IGF2BP3: variants seen among roughly 807,000 people sequenced by gnomAD.
IGF2BP3 encodes insulin like growth factor 2 mRNA binding protein 3, also known as insulin-like growth factor 2 mRNA-binding protein 3.
In IGF2BP3, 9 loss-of-function variants were observed where a neutral mutation model predicts 73.8. That is an observed-to-expected ratio of 0.12 (90% CI 0.07 to 0.21). IGF2BP3 has a LOEUF of 0.21. IGF2BP3 is among the 10% of genes least tolerant of loss of function. The probability of loss-of-function intolerance (pLI) is 1.00; values close to 1 mark genes in which losing one functional copy is unlikely to be tolerated. For synonymous variants in IGF2BP3, 258 were observed against 256.7 expected, an observed-to-expected ratio of 1.01 and a Z score of -0.05; for missense variants, 542 against 714.0, an observed-to-expected ratio of 0.76 and a Z score of 2.75.
At chr7:23,452,398 T>A (rs1788222433) in intron 2 of IGF2BP3, among the ~76,000 whole-genome samples, 1 of 152,208 alleles carries the variant, frequency 6.6e-6, no homozygotes, top group East Asian at 1.9e-4. Flanking sequence ...TTTTGCCAAG[T>A]ATGTCTTTGT....
intron 3 of IGF2BP3, among the ~76,000 whole-genome samples, chr7:23,376,383 A>T (rs1433663518): frequency 6.6e-6 from 1 of 150,908 alleles, no homozygotes; most frequent in Non-Finnish European, 1.5e-5. Context: ...AAAAATACAA[A>T]AATTAGCCGG....
At chr7:23,372,941 T>C (rs1785603947) in intron 3 of IGF2BP3, among the ~76,000 whole-genome samples, 1 of 152,210 alleles carries the variant, frequency 6.6e-6, no homozygotes, top group Non-Finnish European at 1.5e-5. Flanking sequence ...AGATAAATGC[T>C]GGAGAAATGA....
At chr7:23,431,631 G>A (rs1329843918) in intron 2 of IGF2BP3, among the ~76,000 whole-genome samples, 7 of 150,442 alleles carry the variant, frequency 4.7e-5, no homozygotes, top group Non-Finnish European at 1.0e-4. Context: ...ACAGGAGGAA[G>A]GAAGGGGGAA....
At chr7:23,439,549 C>A (rs573707520) in intron 2 of IGF2BP3, among the ~76,000 whole-genome samples, 1 of 119,974 alleles carries the variant, frequency 8.3e-6, no homozygotes, top group Admixed American at 9.1e-5. Context: ...AACGAGACTC[C>A]GTCTCAAAAA....
At chr7:23,335,386 TG>T (rs1218642794) in intron 10 of IGF2BP3, among the ~76,000 whole-genome samples, 8 of 151,596 alleles carry the variant, frequency 5.3e-5, no homozygotes, top group Admixed American at 2.0e-4. Context: ...TGGGCTCAGG[TG>T]ATCTTCCTAC....
chr7:23,327,276 TA>T (rs1418868467), intron 10 of IGF2BP3, among the ~76,000 whole-genome samples: 1 of 108,862 alleles, frequency 9.2e-6, no homozygotes, highest in Non-Finnish European at 1.7e-5. Flanking sequence ...TCCTAATTTC[TA>T]ATTTTTTTTT....
intron 10 of IGF2BP3, among the ~76,000 whole-genome samples, chr7:23,333,549 G>C (rs114281263): frequency 0.013 from 2,046 of 152,312 alleles, 65 homozygotes; most frequent in East Asian, 0.13. Flanking sequence ...ATAAACTTAA[G>C]AGAAATGTTG....
chr7:23,395,051 C>T (rs1434575136), intron 3 of IGF2BP3, among the ~76,000 whole-genome samples: 1 of 152,144 alleles, frequency 6.6e-6, no homozygotes, highest in African/African-American at 2.4e-5. Flanking sequence ...TTAATCCACC[C>T]TAATGAGGCT....
In IGF2BP3 at chr7:23,361,116, A is replaced by G. The variant is rs557923873; in HGVS notation, c.401+418T>C. ...GACAATGGTAATCAGGTAACCAGTG[A>G]GTAAGAAGACTTATCATTTAACACT... On this transcript the variant is annotated intron_variant, in intron 5 of 14. Coordinates refer to ENST00000258729, the MANE Select transcript of IGF2BP3 (RefSeq NM_006547.3). 2.0e-4 allele frequency among the ~76,000 whole-genome samples: 31 copies of G among 152,346 alleles called. No homozygotes were observed. The South Asian group carries it at 6.4e-3, about 32-fold the overall frequency.
chr7:23,317,567 G>C, intron 12 of IGF2BP3, 72 bp downstream of exon 12: 1 of 1,102,512 alleles, frequency 9.1e-7, no homozygotes, highest in Admixed American at 1.7e-5. Flanking sequence ...ACATATTTAA[G>C]GGAGACGCCA....
intron 2 of IGF2BP3, among the ~76,000 whole-genome samples, chr7:23,425,177 A>G (rs529547337): frequency 6.6e-6 from 1 of 152,354 alleles, no homozygotes; most frequent in African/African-American, 2.4e-5. Flanking sequence ...AGATGCCAAC[A>G]AGATATACAT....
intron 3 of IGF2BP3, chr7:23,416,368 G>T (rs919423896): frequency 6.6e-6 from 1 of 152,062 alleles, no homozygotes; most frequent in South Asian, 2.1e-4. Context: ...TCTGTAACAG[G>T]CCCCTTCCTT....
intron 2 of IGF2BP3, among the ~76,000 whole-genome samples, chr7:23,451,454 G>T (rs1788194638): frequency 6.6e-6 from 1 of 151,828 alleles, no homozygotes; most frequent in Non-Finnish European, 1.5e-5. Context: ...ATGATAACAT[G>T]TAATGGGTTT....
intron 3 of IGF2BP3, chr7:23,415,684 G>C (rs1324859131): frequency 1.2e-5 from 2 of 166,846 alleles, no homozygotes; most frequent in African/African-American, 4.8e-5. Context: ...CCATAGCCAA[G>C]GAGCTCCCAT....
chr7:23,403,649 T>C (rs1408965332), intron 3 of IGF2BP3, among the ~76,000 whole-genome samples: 1 of 152,232 alleles, frequency 6.6e-6, no homozygotes, highest in Non-Finnish European at 1.5e-5. Flanking sequence ...TTAGATACAG[T>C]AGCAGCTAAA....
Position 23,351,475 on chromosome 7 carries a change from G to A in IGF2BP3, c.513C>T (p.Arg171=), listed in dbSNP as rs1784959811. ...QQNPLQQPRG[R]RGLGQRGSSR... is the part of the protein sequence containing the mutation. ...AGGAGCCCCTCTGCCCAAGCCCCCG[G>A]CGACCTCGGGGCTGCTGCAAGGGGT... Residue 171 remains arginine, a synonymous_variant, in exon 6 of 15, where the codon CGC becomes CGT. Transcript: ENST00000258729. The A allele has an allele frequency of 1.2e-6, 2 of 1,613,812 alleles. No individual in the cohort carries two copies. Among genetic ancestry groups the A allele is most frequent in the Admixed American group, 1.7e-5 (1 of 59,974 alleles).
chr7:23,347,557 C>A, intron 7 of IGF2BP3, 43 bp downstream of exon 7: 11 of 1,591,024 alleles, frequency 6.9e-6, no homozygotes, highest in Non-Finnish European at 9.4e-6. Context: ...AATACAAGAG[C>A]ACAAATATCA....
chr7:23,339,540 T>C (rs528441444), intron 10 of IGF2BP3, among the ~76,000 whole-genome samples: 1 of 152,322 alleles, frequency 6.6e-6, no homozygotes, highest in East Asian at 1.9e-4. Flanking sequence ...TCCATGTAAG[T>C]GTAAAAGACT....
At chr7:23,442,342 C>T (rs142789620) in intron 2 of IGF2BP3, among the ~76,000 whole-genome samples, 110 of 152,176 alleles carry the variant, frequency 7.2e-4, no homozygotes, top group Non-Finnish European at 1.3e-3. Context: ...AGTTGTGTAA[C>T]GGATTAATGT....
Sources: allele counts gnomAD v4.1 joint callset (sites outside exome capture counted in the v4.1 genomes callset), GRCh38; gene constraint gnomAD v4.1.1; transcripts MANE v1.5; gene names NCBI Gene and HGNC (gene_info 2026-07-23, HGNC 2026-07-21).